The following CYP2C8 variants were observed in gnomAD, a reference collection of about 807,000 sequenced individuals.
CYP2C8 encodes cytochrome P450 family 2 subfamily C member 8, also known as cytochrome P450 2C8.
CYP2C8 carries 51 observed loss-of-function variants against 41.3 expected under a neutral mutation model. The observed-to-expected ratio is 1.24, with a 90% CI of 0.99 to 1.56. The LOEUF is 1.56. Among genes scored for constraint, CYP2C8 ranks in the 40% most tolerant of loss-of-function variants. CYP2C8 has a pLI of 0.00. For synonymous variants in CYP2C8, 218 were observed against 205.8 expected (o/e 1.06, Z -0.51); for missense variants, 651 against 579.9 (o/e 1.12, Z -1.26).
chr10:95,044,077 T>C (rs1475024945), intron 6 of CYP2C8, among the ~76,000 whole-genome samples: 1 of 152,176 alleles, frequency 6.6e-6, no homozygotes, highest in Non-Finnish European at 1.5e-5. Context: ...CCTGGTCCCT[T>C]CTGAAGTGGT....
chr10:95,060,648 C>T (rs2033408456), intron 4 of CYP2C8, among the ~76,000 whole-genome samples: 1 of 152,174 alleles, frequency 6.6e-6, no homozygotes, highest in South Asian at 2.1e-4. Context: ...TTTCCCCTGC[C>T]TGATTGCCTT....
chr10:95,052,298 T>C (rs902334118), intron 5 of CYP2C8, among the ~76,000 whole-genome samples: 40 of 152,066 alleles, frequency 2.6e-4, no homozygotes, highest in African/African-American at 9.2e-4. Context: ...AATAATCAGA[T>C]TGAACTCAAG....
intron 5 of CYP2C8, among the ~76,000 whole-genome samples, chr10:95,052,488 A>AT (rs2033231038): frequency 7.0e-6 from 1 of 142,898 alleles, no homozygotes. Flanking sequence ...CCAAAGACAC[A>AT]TTAAAAAAAA....
chr10:95,064,988 T>A (rs11572092), intron 3 of CYP2C8, 28 bp from the exon 4 acceptor site: 2 of 1,407,916 alleles, frequency 1.4e-6, no homozygotes, highest in African/African-American at 1.5e-5. Flanking sequence ...TTTAAAAAAA[T>A]TATTAAAAAA....
chr10:95,061,577 C>A (rs1054400064), intron 4 of CYP2C8, among the ~76,000 whole-genome samples: 2 of 151,336 alleles, frequency 1.3e-5, no homozygotes, highest in East Asian at 3.9e-4. Context: ...TTTTGTTGAT[C>A]TTCAAAAAAC....
intron 4 of CYP2C8, among the ~76,000 whole-genome samples, 178 bp from the exon 5 acceptor site, chr10:95,058,689 A>G (rs911938089): frequency 6.6e-6 from 1 of 152,182 alleles, no homozygotes; most frequent in Non-Finnish European, 1.5e-5. Context: ...ATATGTGCAC[A>G]AAGTGCAGGT....
chr10:95,045,737 A>C, intron 6 of CYP2C8, 73 bp downstream of exon 6: 1 of 1,571,486 alleles, frequency 6.4e-7, no homozygotes, highest in East Asian at 2.2e-5. Flanking sequence ...TGAGAGAAAC[A>C]AGGTGGAGGA....
chr10:95,038,273 C>T (rs1252641998), intron 8 of CYP2C8, among the ~76,000 whole-genome samples: 1 of 152,140 alleles, frequency 6.6e-6, no homozygotes, highest in Non-Finnish European at 1.5e-5. Flanking sequence ...TTATCACCTC[C>T]TTTGAAGCAC....
At chr10:95,051,330 T>C (rs992029412) in intron 5 of CYP2C8, among the ~76,000 whole-genome samples, 1 of 151,704 alleles carries the variant, frequency 6.6e-6, no homozygotes, top group Non-Finnish European at 1.5e-5. Context: ...GAAAAAAGAA[T>C]AAAAAACAAT....
chr10:95,045,847 A>T lies in CYP2C8; in HGVS notation c.924T>A (p.Tyr308Ter). 6.2e-7 allele frequency: 1 copy of T among 1,614,042 alleles called. No homozygotes were observed. The highest frequency in any genetic ancestry group is 1.3e-5 in the African/African-American group (1 of 75,054). Residue 308 changes from tyrosine to a stop codon, truncating the protein, a stop_gained, in exon 6 of 9, where the codon TAT becomes TAA. Transcript: ENST00000371270. LOFTEE classifies it high-confidence loss of function. The stretch of plus-strand genomic sequence containing the variant: ...GGTGCTTCAGCAGGAGCAGGAGTCC[A>T]TATCTCAGAGTGGTGCTTGTTGTCT... ...GTETTSTTLR[Y>*]GLLLLLKHPE...
chr10:95,049,712 A>T (rs2033180495), intron 5 of CYP2C8, among the ~76,000 whole-genome samples: 1 of 152,118 alleles, frequency 6.6e-6, no homozygotes, highest in South Asian at 2.1e-4. Flanking sequence ...CCTGGTGCTG[A>T]ACTGGGCCCA....
chr10:95,066,467 A>G (rs2033569577), intron 3 of CYP2C8, among the ~76,000 whole-genome samples: 1 of 152,164 alleles, frequency 6.6e-6, no homozygotes, highest in Non-Finnish European at 1.5e-5. Context: ...ATCTAGTTAA[A>G]CAAATTATTT....
At position 95,069,452 on chromosome 10, in the gene CYP2C8, T is replaced by C. The variant is rs772691200; in HGVS notation, c.-50A>G. The C allele has an allele frequency of 6.9e-7, 1 of 1,452,012 alleles. No individual in the cohort carries two copies. Among genetic ancestry groups the C allele is most frequent in the Non-Finnish European group, 9.7e-7 (1 of 1,034,588 alleles). 89.9% of individuals were successfully genotyped at this position (1,452,012 alleles called of 1,614,324 possible). On this transcript the variant is annotated 5_prime_UTR_variant, in exon 1 of 9. Transcript: ENST00000371270. ...CAGCTGTGAGCTTGCACTCCAAAGT[T>C]TTTATAACACTCCCTGCTAATTTAG...
At position 95,064,854 on chromosome 10, in the gene CYP2C8, G is replaced by A. The variant is rs1183338683; in HGVS notation, c.588C>T (p.Thr196=). The part of the protein sequence containing the change: ...RFDYKDQNFL[T]LMKRFNENFR... ...AGTTTTCATTGAATCTTTTCATCAG[G>A]GTGAGAAAATTCTGATCTTTATAAT... is the stretch of plus-strand genomic sequence containing the variant. The change falls in exon 4 of 9, where the codon ACC becomes ACT. Residue 196 remains threonine (T), a synonymous_variant. Transcript: ENST00000371270. 2 of 1,613,712 alleles carry A rather than the reference G, an allele frequency of 1.2e-6. No homozygotes were observed. Among genetic ancestry groups the A allele is most frequent in the Non-Finnish European group, 8.5e-7 (1 of 1,179,936 alleles).
intron 7 of CYP2C8, among the ~76,000 whole-genome samples, chr10:95,041,871 C>G (rs1277858343): frequency 6.6e-6 from 1 of 151,336 alleles, no homozygotes; most frequent in East Asian, 2.0e-4. Flanking sequence ...CCCCAGTTTG[C>G]TAGCCTTATT....
intron 5 of CYP2C8, among the ~76,000 whole-genome samples, chr10:95,052,060 C>T (rs957831352): frequency 2.0e-5 from 3 of 151,922 alleles, no homozygotes; most frequent in African/African-American, 7.2e-5. Flanking sequence ...AGCTGACAAA[C>T]CTTTAGCCAG....
intron 3 of CYP2C8, among the ~76,000 whole-genome samples, chr10:95,066,518 T>A (rs1166699726): frequency 6.6e-6 from 1 of 152,224 alleles, no homozygotes; most frequent in African/African-American, 2.4e-5. Context: ...ATACTATAGA[T>A]TATATTTACT....
chr10:95,067,188 C>T lies in CYP2C8; in HGVS notation c.481+20G>A, dbSNP rs371675563. On this transcript the variant is annotated intron_variant, in intron 3 of 8. Coordinates refer to ENST00000371270, the MANE Select transcript of CYP2C8 (RefSeq NM_000770.3). ...GACAGGTAACTGTTAAGGTCAATGA[C>T]GCAGAGTAGAGTCACCCACCCTTGG... The T allele has an allele frequency of 1.4e-5, 22 of 1,613,950 alleles. No homozygotes were observed. Among genetic ancestry groups the T allele is most frequent in the Middle Eastern group, 1.7e-4 (1 of 6,056 alleles).
intron 4 of CYP2C8, among the ~76,000 whole-genome samples, chr10:95,058,762 T>C (rs767120426): frequency 2.0e-5 from 3 of 152,152 alleles, no homozygotes; most frequent in African/African-American, 7.2e-5. Context: ...TCATATACAT[T>C]AGGTATATCT....
Sources: gnomAD v4.1 joint callset for allele counts (sites outside exome capture counted in the v4.1 genomes callset) on GRCh38, gnomAD v4.1.1 for gene constraint, MANE v1.5 for transcripts, NCBI Gene and HGNC (gene_info 2026-07-23, HGNC 2026-07-21) for gene names.